The following HMCN1 variants were observed in gnomAD, a reference collection of about 807,000 sequenced individuals.
HMCN1 encodes the protein hemicentin 1, also known as hemicentin-1.
A neutral mutation model predicts 625.9 loss-of-function variants in HMCN1; 321 were observed. That is an observed-to-expected ratio of 0.51 (90% CI 0.47 to 0.56). The LOEUF (loss-of-function observed/expected upper bound fraction) is 0.56. HMCN1 is among the 20% of genes least tolerant of loss of function. The pLI, the probability that HMCN1 is intolerant of heterozygous loss-of-function variation, is 0.00. For synonymous variants in HMCN1, 2,425 were observed against 2,417.6 expected, an observed-to-expected ratio of 1.00 and a Z score of -0.09; for missense variants, 6,588 against 6,887.3, an observed-to-expected ratio of 0.96 and a Z score of 1.54.
At chr1:186,101,264 G>A (rs897041749) in intron 68 of HMCN1, among the ~76,000 whole-genome samples, 1 of 152,108 alleles carries the variant, frequency 6.6e-6, no homozygotes, top group African/African-American at 2.4e-5. Context: ...GGAAGTATTA[G>A]GACTTGGTTG....
intron 1 of HMCN1, among the ~76,000 whole-genome samples, chr1:185,806,868 G>T (rs1210192050): frequency 6.6e-6 from 1 of 152,018 alleles, no homozygotes. Flanking sequence ...TGTGGAGAAG[G>T]TTAAATTAGT....
intron 11 of HMCN1, among the ~76,000 whole-genome samples, chr1:185,959,821 GA>G (rs1283486289): frequency 6.6e-6 from 1 of 152,088 alleles, no homozygotes; most frequent in Non-Finnish European, 1.5e-5. Flanking sequence ...TGCAAATAAA[GA>G]GATGTAGACT....
chr1:186,174,460 T>A, intron 102 of HMCN1, 54 bp from the exon 103 acceptor site: 1 of 1,605,026 alleles, frequency 6.2e-7, no homozygotes, highest in Non-Finnish European at 8.5e-7. Context: ...TTAAATACAA[T>A]GACTTTGGGT....
chr1:186,095,195 C>T, intron 67 of HMCN1, 48 bp from the exon 68 acceptor site: 1 of 1,577,442 alleles, frequency 6.3e-7, no homozygotes, highest in Non-Finnish European at 8.7e-7. Flanking sequence ...AAATTGATCT[C>T]AAATTACAAT....
intron 25 of HMCN1, among the ~76,000 whole-genome samples, chr1:185,998,996 A>T (rs1652995310): frequency 6.6e-6 from 1 of 152,088 alleles, no homozygotes. Context: ...TCAACATTAT[A>T]CTATGAGCAC....
chr1:185,995,846 G>C (rs1182230026), intron 24 of HMCN1, among the ~76,000 whole-genome samples: 6 of 152,106 alleles, frequency 3.9e-5, no homozygotes, highest in Non-Finnish European at 1.5e-5. Flanking sequence ...TCTTGTCAGA[G>C]GGAATACTAG....
Position 186,171,368 on chromosome 1 carries a change from T to G in HMCN1, c.15606T>G (p.Cys5202Trp). The part of the protein sequence containing the change: ...DINECQESSP[C>W]HQRCFNAIGS... ...ATGAATGTCAAGAATCCAGCCCCTG[T>G]CACCAGCGCTGTTTCAATGCCATAG... The change falls in exon 101 of 107, where the codon TGT (cysteine) becomes TGG (tryptophan). Residue 5202 changes from cysteine to tryptophan, a missense_variant. Cys to Trp is a radical substitution (Grantham distance 215). This residue lies in a region of HMCN1 where 1,954 missense variants were observed against 2,013.1 expected (regional missense o/e 0.97). Transcript: ENST00000271588. 1 of 1,613,512 alleles carries G rather than the reference T, an allele frequency of 6.2e-7. No individual in the cohort carries two copies. The highest frequency in any genetic ancestry group is 8.5e-7 in the Non-Finnish European group (1 of 1,179,492).
At chr1:186,023,420 T>C (rs1654855922) in intron 36 of HMCN1, among the ~76,000 whole-genome samples, 1 of 152,146 alleles carries the variant, frequency 6.6e-6, no homozygotes, top group Non-Finnish European at 1.5e-5. Flanking sequence ...CTGTATTCTG[T>C]TAACTTATAG....
At position 186,178,760 on chromosome 1, in the gene HMCN1, T is replaced by C. The variant is rs1229273497; in HGVS notation, c.16288T>C (p.Cys5430Arg). The change falls in exon 104 of 107, where the codon TGT (cysteine) becomes CGT (arginine). Residue 5430 changes from cysteine to arginine, a missense_variant. Cys to Arg is a radical substitution (Grantham distance 180). Transcript: ENST00000271588. ...PEGSEASHDT[C>R]VDIDECENTD... is the part of the protein sequence containing the mutation. ...AGGCTCTGAGGCAAGCCATGACACA[T>C]GTGTAGGTAAATGTCAGCCATATTA... The C allele has an allele frequency of 6.2e-7, 1 of 1,600,016 alleles. No homozygotes were observed. Among genetic ancestry groups the C allele is most frequent in the Non-Finnish European group, 8.6e-7 (1 of 1,167,192 alleles).
intron 4 of HMCN1, among the ~76,000 whole-genome samples, chr1:185,871,172 T>C (rs772552858): frequency 2.0e-5 from 3 of 146,876 alleles, no homozygotes; most frequent in Admixed American, 7.0e-5. Flanking sequence ...GAAGTTGCAG[T>C]GAGCCAAGAT....
chr1:185,833,902 T>A (rs1661021061), intron 1 of HMCN1, among the ~76,000 whole-genome samples: 3 of 152,226 alleles, frequency 2.0e-5, no homozygotes, highest in African/African-American at 7.2e-5. Flanking sequence ...TTTATGTATC[T>A]GTGCATTTCT....
intron 104 of HMCN1, among the ~76,000 whole-genome samples, chr1:186,180,590 T>TA (rs1325728720): frequency 6.6e-6 from 1 of 152,226 alleles, no homozygotes; most frequent in African/African-American, 2.4e-5. Context: ...AGTTTCATCA[T>TA]AGTAGAGTCT....
In HMCN1 at chr1:186,172,049, C is replaced by T; in HGVS notation, c.15732C>T (p.His5244=). The change falls in exon 102 of 107, where the codon CAC becomes CAT. Residue 5244 remains histidine (H), a synonymous_variant. Coordinates refer to ENST00000271588, the MANE Select transcript of HMCN1 (RefSeq NM_031935.3). ...CRQNVCRPDQ[H]CKNTRGGYKC... ...AAAATGTATGCAGACCAGATCAGCA[C>T]TGTAAGAACACCCGTGGTGGCTATA... 1.9e-6 allele frequency: 3 copies of T among 1,613,722 alleles called. No individual in the cohort carries two copies. The highest frequency in any genetic ancestry group is 2.5e-6 in the Non-Finnish European group (3 of 1,179,722).
intron 63 of HMCN1, among the ~76,000 whole-genome samples, chr1:186,089,291 A>G (rs1659703773): frequency 6.6e-6 from 1 of 152,070 alleles, no homozygotes; most frequent in Non-Finnish European, 1.5e-5. Flanking sequence ...TTTGATTTTC[A>G]GTAAACCTCT....
In HMCN1 at chr1:185,980,845, G is replaced by A; in HGVS notation, c.2567-133G>A. The stretch of plus-strand genomic sequence containing the variant: ...CTTATTTCACTGTGGTGTGATGGCT[G>A]GTTTCTGTGTATGTCCCTTCTTCAA... On this transcript the variant is annotated intron_variant, in intron 16 of 106. Transcript: ENST00000271588. The A allele has an allele frequency of 4.0e-6, 3 of 745,904 alleles. No individual in the cohort carries two copies. In the Admixed American group the frequency reaches 5.3e-5, roughly 13 times the overall value. The allele number at this position is 745,904 out of a possible 1,614,324, so 46.2% of individuals were successfully genotyped here.
At chr1:186,075,226 C>T (rs190697889) in intron 53 of HMCN1, among the ~76,000 whole-genome samples, 29 of 152,118 alleles carry the variant, frequency 1.9e-4, no homozygotes, top group Admixed American at 8.5e-4. Flanking sequence ...GAAAGTAGTA[C>T]AGTACAGAAT....
chr1:186,001,155 A>G (rs1428192109), intron 26 of HMCN1, 143 bp from the exon 27 acceptor site: 2 of 689,170 alleles, frequency 2.9e-6, no homozygotes, highest in Non-Finnish European at 4.8e-6. Flanking sequence ...TTTTAATTTT[A>G]TAACAAAGCA....
intron 38 of HMCN1, 143 bp from the exon 39 acceptor site, chr1:186,039,585 A>T (rs1027749641): frequency 1.2e-6 from 1 of 802,638 alleles, no homozygotes; most frequent in African/African-American, 1.7e-5. Flanking sequence ...ATCTTAAATA[A>T]GAGAGATGTG....
At chr1:185,888,369 A>T (rs1030406947) in intron 4 of HMCN1, among the ~76,000 whole-genome samples, 1 of 144,472 alleles carries the variant, frequency 6.9e-6, no homozygotes, top group Non-Finnish European at 1.5e-5. Flanking sequence ...TGTTTTAGAC[A>T]TGAAGTCCTT....
Sources: allele counts gnomAD v4.1 joint callset (sites outside exome capture counted in the v4.1 genomes callset), GRCh38; gene constraint gnomAD v4.1.1; regional missense constraint gnomAD v4.1.1; transcripts MANE v1.5; gene names NCBI Gene and HGNC (gene_info 2026-07-23, HGNC 2026-07-21).